The following KCNQ3 variants were observed in gnomAD, a reference collection of about 807,000 sequenced individuals.
KCNQ3 encodes potassium voltage-gated channel subfamily KQT member 3.
Under a neutral mutation model 92.5 loss-of-function variants are expected in KCNQ3, and 30 were observed. The observed-to-expected ratio is 0.32, with a 90% CI of 0.24 to 0.44. The LOEUF (loss-of-function observed/expected upper bound fraction) is 0.44, where lower values mean the gene tolerates loss of function less well. KCNQ3 is among the 20% of genes least tolerant of loss of function. The probability of loss-of-function intolerance (pLI) is 1.00; values close to 1 mark genes in which losing one functional copy is unlikely to be tolerated. For missense variants in KCNQ3, 913 were observed against 1,140.3 expected, an observed-to-expected ratio of 0.80 and a Z score of 2.87; for synonymous variants, 450 against 468.8, an observed-to-expected ratio of 0.96 and a Z score of 0.52.
At chr8:132,165,769 C>T (rs999694305) in intron 8 of KCNQ3, among the ~76,000 whole-genome samples, 1 of 152,184 alleles carries the variant, frequency 6.6e-6, no homozygotes, top group African/African-American at 2.4e-5. Flanking sequence ...ATCTTTGTTC[C>T]ATCACTTATC....
intron 1 of KCNQ3, among the ~76,000 whole-genome samples, chr8:132,453,580 G>A (rs1243453893): frequency 6.6e-6 from 1 of 152,148 alleles, no homozygotes. Context: ...CCTGAGTGCA[G>A]GCTCAGAGGC....
intron 1 of KCNQ3, among the ~76,000 whole-genome samples, chr8:132,477,267 T>G (rs764831322): frequency 4.6e-5 from 7 of 152,076 alleles, no homozygotes; most frequent in Non-Finnish European, 1.0e-4. Flanking sequence ...GGTAAGGGTT[T>G]GATTGATTTC....
chr8:132,276,183 A>G (rs60895448), intron 1 of KCNQ3, among the ~76,000 whole-genome samples: 4,720 of 152,300 alleles, frequency 0.031, 274 homozygotes, highest in African/African-American at 0.11. Flanking sequence ...AAAAATGAAA[A>G]TAATCCTAGC....
intron 1 of KCNQ3, among the ~76,000 whole-genome samples, chr8:132,316,408 C>A (rs1184708774): frequency 6.6e-6 from 1 of 152,140 alleles, no homozygotes; most frequent in Non-Finnish European, 1.5e-5. Flanking sequence ...ACTGGCTCTG[C>A]CAATTCCTTA....
At chr8:132,350,921 G>A (rs770757024) in intron 1 of KCNQ3, among the ~76,000 whole-genome samples, 41 of 152,040 alleles carry the variant, frequency 2.7e-4, no homozygotes, top group South Asian at 2.1e-3. Flanking sequence ...AAATCTATTC[G>A]TGTGGCTAAT....
chr8:132,182,191 G>A (rs939586327), intron 3 of KCNQ3, among the ~76,000 whole-genome samples: 1 of 152,050 alleles, frequency 6.6e-6, no homozygotes, highest in Non-Finnish European at 1.5e-5. Context: ...TGCATCATTT[G>A]CCAGGCTTCT....
intron 1 of KCNQ3, among the ~76,000 whole-genome samples, chr8:132,351,464 G>C (rs1000083910): frequency 2.0e-5 from 3 of 152,194 alleles, no homozygotes; most frequent in African/African-American, 7.2e-5. Context: ...ACCTCACTCA[G>C]AGACTGACGG....
chr8:132,236,542 T>G (rs1000676495), intron 1 of KCNQ3, among the ~76,000 whole-genome samples: 1 of 152,202 alleles, frequency 6.6e-6, no homozygotes, highest in African/African-American at 2.4e-5. Flanking sequence ...GTCTGCCATG[T>G]GCCAAGTCTC....
chr8:132,264,204 A>G (rs1165666537), intron 1 of KCNQ3, among the ~76,000 whole-genome samples: 1 of 152,176 alleles, frequency 6.6e-6, no homozygotes, highest in African/African-American at 2.4e-5. Flanking sequence ...TTTAGTCTTC[A>G]GATCTCCCCC....
At position 132,137,857 on chromosome 8, in the gene KCNQ3, G is replaced by A. The variant is rs530298933; in HGVS notation, c.1700+28C>T. 9.6e-5 allele frequency: 155 copies of A among 1,612,394 alleles called. No individual in the cohort carries two copies. The South Asian group carries it at 1.2e-3, about 13-fold the overall frequency. Reference sequence around the variant, plus strand: ...AGGTTCATAGGGCTTTGAGGGGAGCGCAGTCCCTCCAGATGTGACTGTCTC... The same window carrying A: ...AGGTTCATAGGGCTTTGAGGGGAGCACAGTCCCTCCAGATGTGACTGTCTC... On this transcript the variant is annotated intron_variant, in intron 12 of 14. Transcript: ENST00000388996.
rs573199327 is a variant in KCNQ3, at chr8:132,132,069, CAG to C, written c.1884+109_1884+110del. 1,068 of 771,716 alleles carry C rather than the reference CAG, an allele frequency of 1.4e-3. 1 individual carries two copies. Among genetic ancestry groups the C allele is most frequent in the Non-Finnish European group, 2.1e-3 (956 of 456,854 alleles). 47.8% of individuals were successfully genotyped at this position (771,716 alleles called of 1,614,324 possible). ...CGCCATTGCACTCCAGCCTGGGCAA[CAG>C]AGTGAACCTTCGTCTTAAAAAAAAA... On this transcript the variant is annotated intron_variant, in intron 14 of 14. Transcript: ENST00000388996.
chr8:132,429,598 C>T (rs1396549751), intron 1 of KCNQ3, among the ~76,000 whole-genome samples: 5 of 152,112 alleles, frequency 3.3e-5, no homozygotes, highest in Admixed American at 2.6e-4. Context: ...CAGTGGCTCA[C>T]GCCTGTAATC....
At chr8:132,279,853 CGTGT>C (rs34093077) in intron 1 of KCNQ3, among the ~76,000 whole-genome samples, 5 of 150,650 alleles carry the variant, frequency 3.3e-5, no homozygotes, top group East Asian at 2.0e-4. Flanking sequence ...TGTATATATG[CGTGT>C]GTGTGTGTGT....
At chr8:132,207,110 AC>A (rs1343309688) in intron 1 of KCNQ3, among the ~76,000 whole-genome samples, 4 of 152,246 alleles carry the variant, frequency 2.6e-5, no homozygotes, top group African/African-American at 9.6e-5. Context: ...TATAAATAAT[AC>A]TATGAGAAAT....
intron 1 of KCNQ3, among the ~76,000 whole-genome samples, chr8:132,196,452 AATG>A (rs1357464515): frequency 1.3e-5 from 2 of 152,208 alleles, no homozygotes; most frequent in African/African-American, 4.8e-5. Flanking sequence ...CTGGGCATTC[AATG>A]ATGAACAGAG....
At chr8:132,158,488 G>C (rs1825877688) in intron 9 of KCNQ3, among the ~76,000 whole-genome samples, 2 of 152,150 alleles carry the variant, frequency 1.3e-5, no homozygotes, top group African/African-American at 4.8e-5. Flanking sequence ...AGGGACTTCA[G>C]CTAGGTGGGC....
intron 1 of KCNQ3, among the ~76,000 whole-genome samples, chr8:132,470,292 T>C (rs1200447283): frequency 6.6e-6 from 1 of 152,180 alleles, no homozygotes; most frequent in African/African-American, 2.4e-5. Flanking sequence ...GTGTGTTGAG[T>C]CTTCTTCTTT....
chr8:132,450,738 A>C (rs563032730), intron 1 of KCNQ3, among the ~76,000 whole-genome samples: 15 of 152,302 alleles, frequency 9.8e-5, no homozygotes, highest in Non-Finnish European at 1.6e-4. Context: ...AAGAGGAAGA[A>C]GGAGCTCACA....
At position 132,178,980 on chromosome 8, in the gene KCNQ3, A is replaced by G. The variant is rs1422889107; in HGVS notation, c.777+1177T>C. Among the ~76,000 whole-genome samples the G allele has an allele frequency of 2.8e-5, 4 of 141,498 alleles. No homozygotes were observed. The East Asian group carries it at 6.2e-4, about 22-fold the overall frequency. 92.8% of individuals were successfully genotyped at this position (141,498 alleles called of 152,430 possible). On this transcript the variant is annotated intron_variant, in intron 4 of 14. Coordinates refer to ENST00000388996, the MANE Select transcript of KCNQ3 (RefSeq NM_004519.4). ...CCTAGGTGGGACAACAACAGCATCT[A>G]GTATGCCTACCAGGGTGGGTGCAAA... is the stretch of plus-strand genomic sequence containing the variant.
Sources: allele counts gnomAD v4.1 joint callset (sites outside exome capture counted in the v4.1 genomes callset), GRCh38; gene constraint gnomAD v4.1.1; transcripts MANE v1.5; gene names NCBI Gene and HGNC (gene_info 2026-07-23, HGNC 2026-07-21).